Variants in DENND10 observed in about 807,000 individuals in gnomAD.
The protein encoded by DENND10 is DENN domain-containing protein 10.
Under a neutral mutation model 43.6 loss-of-function variants are expected in DENND10, and 24 were observed. That is an observed-to-expected ratio of 0.55 (90% confidence interval 0.40 to 0.77). DENND10 has a LOEUF of 0.77. Among genes scored for constraint, DENND10 ranks in the 30% least tolerant of loss-of-function variants. DENND10 has a pLI of 0.00. For synonymous variants in DENND10, 125 were observed against 157.6 expected (o/e 0.79, Z 1.55); for missense variants, 303 against 429.9 (o/e 0.70, Z 2.61).
intron 1 of DENND10, among the ~76,000 whole-genome samples, chr10:119,104,476 C>A (rs1258430209): frequency 1.3e-5 from 2 of 151,056 alleles, no homozygotes; most frequent in African/African-American, 4.8e-5. Context: ...TGGAGCTCCC[C>A]CTGCACGCCC....
rs397845392 is a variant in DENND10 at position 119,115,382 on chromosome 10, A to ATTTTTTTTTTTTTTTTTTTTTTTTTTT, written c.333-2114_333-2113insTTTTTTTTTTTTTTTTTTTTTTTTTTT. ...CGTCAAGTTGTGAATTGAATTGGTA[A>ATTTTTTTTTTTTTTTTTTTTTTTTTTT]TTTTTTTTTTTTTTTTTTTTTTTGA... On this transcript the variant is annotated intron_variant, in intron 3 of 8. Coordinates refer to ENST00000361432, the MANE Select transcript of DENND10 (RefSeq NM_207009.4). 6.2e-5 allele frequency among the ~76,000 whole-genome samples: 3 copies of ATTTTTTTTTTTTTTTTTTTTTTTTTTT among 48,418 alleles called. 1 individual carries two copies. The East Asian group carries it at 2.4e-3, about 39-fold the overall frequency. 31.8% of individuals were successfully genotyped at this position (48,418 alleles called of 152,430 possible). A position where few individuals can be genotyped will look rare whatever the true frequency, so the allele number is the denominator to read the frequency against.
At chr10:119,113,007 G>A (rs548382515) in intron 3 of DENND10, among the ~76,000 whole-genome samples, 22 of 151,270 alleles carry the variant, frequency 1.5e-4, no homozygotes, top group African/African-American at 4.6e-4. Context: ...GTGCCACCAC[G>A]CCCAGCTAAT....
At chr10:119,118,035 A>G (rs1845385073) in intron 4 of DENND10, among the ~76,000 whole-genome samples, 1 of 152,190 alleles carries the variant, frequency 6.6e-6, no homozygotes, top group Admixed American at 6.6e-5. Context: ...TCCCCAAGCC[A>G]AAAACAGTCT....
chr10:119,129,444 G>C, intron 6 of DENND10, 71 bp from the exon 7 acceptor site: 1 of 970,170 alleles, frequency 1.0e-6, no homozygotes, highest in Non-Finnish European at 1.7e-6. Context: ...TGAGCTTTTA[G>C]ACCCAATTCT....
chr10:119,116,179 G>C (rs2133479263), intron 3 of DENND10, among the ~76,000 whole-genome samples: 2 of 152,266 alleles, frequency 1.3e-5, no homozygotes, highest in South Asian at 4.1e-4. Flanking sequence ...AATTTTAGTT[G>C]CTCACAGGAA....
rs1412290710 is a variant in DENND10 at position 119,123,341 on chromosome 10, C to T, written c.594-128C>T. The T allele has an allele frequency of 6.2e-6, 4 of 644,092 alleles. No homozygotes were observed. The African/African-American group carries it at 7.3e-5, about 12-fold the overall frequency. The allele number at this position is 644,092 out of a possible 1,614,324, so 39.9% of individuals were successfully genotyped here. A position where few individuals can be genotyped will look rare whatever the true frequency, so the allele number is the denominator to read the frequency against. On this transcript the variant is annotated intron_variant, in intron 5 of 8. Coordinates refer to ENST00000361432, the MANE Select transcript of DENND10 (RefSeq NM_207009.4). ...GGTTAGCACATTTGGGGCTTGGTCTCACCTCTGTCCCTGATTAGCTGTAGA... is the reference window on the plus strand; with the variant it reads ...GGTTAGCACATTTGGGGCTTGGTCTTACCTCTGTCCCTGATTAGCTGTAGA...
intron 6 of DENND10, among the ~76,000 whole-genome samples, chr10:119,129,233 G>T (rs1845971245): frequency 6.6e-6 from 1 of 152,164 alleles, no homozygotes; most frequent in Non-Finnish European, 1.5e-5. Flanking sequence ...TTCTGCCACA[G>T]CTGTCATTCT....
chr10:119,115,087 A>G (rs1845182165), intron 3 of DENND10, among the ~76,000 whole-genome samples: 1 of 152,044 alleles, frequency 6.6e-6, no homozygotes, highest in Admixed American at 6.6e-5. Flanking sequence ...TAGAAAGCTA[A>G]TGGCATTTTG....
chr10:119,120,728 A>G (rs1450224868), intron 5 of DENND10, among the ~76,000 whole-genome samples: 2 of 152,160 alleles, frequency 1.3e-5, no homozygotes, highest in Non-Finnish European at 2.9e-5. Context: ...CCAACTACTC[A>G]ACTGCCTAGG....
At chr10:119,130,730 G>A (rs1232734751) in intron 7 of DENND10, among the ~76,000 whole-genome samples, 5 of 152,212 alleles carry the variant, frequency 3.3e-5, no homozygotes, top group African/African-American at 7.2e-5. Context: ...TGGAACATCC[G>A]CTTTCAATGT....
At chr10:119,123,226 G>T (rs1344205411) in intron 5 of DENND10, among the ~76,000 whole-genome samples, 1 of 152,138 alleles carries the variant, frequency 6.6e-6, no homozygotes, top group South Asian at 2.1e-4. Context: ...CCAAAATCGC[G>T]CCATTGCACT....
intron 5 of DENND10, among the ~76,000 whole-genome samples, chr10:119,120,895 CTCTT>C (rs1307642200): frequency 1.3e-5 from 2 of 152,064 alleles, no homozygotes; most frequent in South Asian, 2.1e-4. Context: ...TTATCAAAGA[CTCTT>C]TTTTTTTTCT....
chr10:119,109,308 A>G (rs1844861690), intron 2 of DENND10, among the ~76,000 whole-genome samples: 1 of 152,174 alleles, frequency 6.6e-6, no homozygotes, highest in Admixed American at 6.6e-5. Context: ...TATGAACAGT[A>G]TCAGTGTGAC....
chr10:119,119,295 C>T (rs12354614), intron 4 of DENND10, among the ~76,000 whole-genome samples: 84,505 of 151,424 alleles, frequency 0.56, 23,842 homozygotes, highest in South Asian at 0.67. Flanking sequence ...TGAGCTTCCG[C>T]GCCCGGCCGC....
At chr10:119,115,250 A>G (rs1013366379) in intron 3 of DENND10, among the ~76,000 whole-genome samples, 1 of 151,750 alleles carries the variant, frequency 6.6e-6, no homozygotes, top group Non-Finnish European at 1.5e-5. Flanking sequence ...TTTATATCCT[A>G]TCAGAGAAGT....
At chr10:119,121,537 A>G (rs1280063783) in intron 5 of DENND10, among the ~76,000 whole-genome samples, 1 of 148,146 alleles carries the variant, frequency 6.8e-6, no homozygotes, top group Non-Finnish European at 1.5e-5. Flanking sequence ...TCACTGCAAC[A>G]TCCACCTCCC....
At chr10:119,130,771 T>C (rs1383644970) in intron 7 of DENND10, among the ~76,000 whole-genome samples, 1 of 152,216 alleles carries the variant, frequency 6.6e-6, no homozygotes, top group African/African-American at 2.4e-5. Flanking sequence ...CCTCAGTTCC[T>C]TCTGCCATGG....
intron 6 of DENND10, among the ~76,000 whole-genome samples, chr10:119,128,766 G>A (rs920449175): frequency 5.3e-5 from 8 of 152,146 alleles, no homozygotes; most frequent in South Asian, 2.1e-4. Context: ...AAGCAGGCAC[G>A]TCTTACATGG....
intron 3 of DENND10, among the ~76,000 whole-genome samples, chr10:119,116,047 A>G (rs1845256492): frequency 6.6e-6 from 1 of 152,134 alleles, no homozygotes; most frequent in South Asian, 2.1e-4. Context: ...TACAGGCATG[A>G]GTCACTGTGC....
Sources: allele counts gnomAD v4.1 joint callset (sites outside exome capture counted in the v4.1 genomes callset), GRCh38; gene constraint gnomAD v4.1.1; transcripts MANE v1.5; gene names NCBI Gene and HGNC (gene_info 2026-07-23, HGNC 2026-07-21).